TMEM266: variants seen among roughly 807,000 people sequenced by gnomAD.
The protein encoded by TMEM266 is Hv1 related protein 1.
TMEM266 carries 33 observed loss-of-function variants against 50.5 expected under a neutral mutation model. The observed-to-expected ratio is 0.65, with a 90% CI of 0.50 to 0.87. The LOEUF (loss-of-function observed/expected upper bound fraction) is 0.87, where lower values mean the gene tolerates loss of function less well. Ranked by LOEUF, TMEM266 falls within the 40% of genes least tolerant of loss-of-function variation. The pLI is 0.00. For missense variants in TMEM266, 655 were observed against 695.1 expected, an observed-to-expected ratio of 0.94 and a Z score of 0.65; for synonymous variants, 310 against 292.3, an observed-to-expected ratio of 1.06 and a Z score of -0.62.
Position 76,153,848 on chromosome 15 carries a change from C to T in TMEM266, c.228-2756C>T, listed in dbSNP as rs769807465. ...AAAGATATCTTAAAATGCAAAGGCT[C>T]GTTAATGGATGGAAGCGCTGTGCCG... On this transcript the variant is annotated intron_variant, in intron 3 of 10. Transcript: ENST00000388942. This position sits in a 1 kb window ranked among gnomAD's most constrained non-coding sequence, Gnocchi z 4.2. Among the ~76,000 whole-genome samples the T allele has an allele frequency of 7.5e-4, 114 of 152,174 alleles. No homozygotes were observed. The highest frequency in any genetic ancestry group is 5.9e-4 in the Non-Finnish European group (40 of 68,026).
intron 8 of TMEM266, among the ~76,000 whole-genome samples, chr15:76,179,087 G>C (rs1461417690): frequency 6.7e-6 from 1 of 148,634 alleles, no homozygotes; most frequent in Non-Finnish European, 1.5e-5. Context: ...GAATGTCAGA[G>C]ATGGCTAGAC....
chr15:76,200,540 G>A (rs550568569), intron 9 of TMEM266, among the ~76,000 whole-genome samples: 1 of 152,310 alleles, frequency 6.6e-6, no homozygotes, highest in Non-Finnish European at 1.5e-5. Flanking sequence ...AGGTTTCGCT[G>A]CTCTGTGGAT....
chr15:76,097,181 G>T (rs369497920), intron 1 of TMEM266, among the ~76,000 whole-genome samples: 2 of 151,882 alleles, frequency 1.3e-5, no homozygotes, highest in Non-Finnish European at 2.9e-5. Context: ...TATTTTGCCC[G>T]TCAATTGATG....
At chr15:76,201,718 A>G (rs1468394015) in intron 9 of TMEM266, among the ~76,000 whole-genome samples, 1 of 152,130 alleles carries the variant, frequency 6.6e-6, no homozygotes, top group East Asian at 1.9e-4. Context: ...GGAAGGCTGG[A>G]GCCCACAGGT....
chr15:76,197,298 G>A lies in TMEM266; in HGVS notation c.959-4904G>A, dbSNP rs181952358. 3.6e-3 allele frequency among the ~76,000 whole-genome samples: 554 copies of A among 152,358 alleles called. 4 individuals are homozygous for A. The highest frequency in any genetic ancestry group is 0.013 in the African/African-American group (535 of 41,574). On this transcript the variant is annotated intron_variant, in intron 9 of 10. Transcript: ENST00000388942. ...AAGAGCCTCAGGCAAAGTAGCATTT[G>A]AAGCAACCGGAGGGACATGGGTTTA...
chr15:76,079,736 A>T (rs113326383), intron 1 of TMEM266, among the ~76,000 whole-genome samples: 1 of 143,028 alleles, frequency 7.0e-6, no homozygotes, highest in African/African-American at 2.6e-5. Context: ...ATCGTGCCAC[A>T]GCACTCCAGC....
In TMEM266 at chr15:76,160,885, G is replaced by A. The variant is rs1222319833; in HGVS notation, c.456+717G>A. On this transcript the variant is annotated intron_variant, in intron 5 of 10. Coordinates refer to ENST00000388942, the MANE Select transcript of TMEM266 (RefSeq NM_152335.3). The surrounding 1 kb of genome is among the most constrained non-coding windows in gnomAD (Gnocchi z 5.7). ...TTGGTGCAGAAGCTGGCATGTCTGG[G>A]CAGCACATTCCTCTGTTTTTTCATG... Among the ~76,000 whole-genome samples, 1 of 152,208 alleles carries A rather than the reference G, an allele frequency of 6.6e-6. No homozygotes were observed. The highest frequency in any genetic ancestry group is 1.5e-5 in the Non-Finnish European group (1 of 68,040).
At chr15:76,127,726 G>A (rs145552277) in intron 1 of TMEM266, among the ~76,000 whole-genome samples, 1 of 152,210 alleles carries the variant, frequency 6.6e-6, no homozygotes, top group Non-Finnish European at 1.5e-5. Flanking sequence ...AGCTTGGTCA[G>A]CATAGCTTCT....
intron 1 of TMEM266, chr15:76,109,030 G>A (rs978804727): frequency 2.4e-4 from 37 of 152,154 alleles, no homozygotes; most frequent in African/African-American, 8.2e-4. Flanking sequence ...GGTCCCACCC[G>A]AGAGGCCACA....
At chr15:76,142,346 G>T (rs917615297) in intron 3 of TMEM266, among the ~76,000 whole-genome samples, 2 of 150,826 alleles carry the variant, frequency 1.3e-5, no homozygotes, top group East Asian at 1.9e-4. Flanking sequence ...TTGAGATCAC[G>T]CAGCCACTGC....
intron 1 of TMEM266, among the ~76,000 whole-genome samples, chr15:76,067,127 C>T (rs1348179116): frequency 6.6e-6 from 1 of 151,996 alleles, no homozygotes; most frequent in Non-Finnish European, 1.5e-5. Context: ...GAATACAGAA[C>T]TTAGATAATT....
intron 3 of TMEM266, among the ~76,000 whole-genome samples, chr15:76,147,306 C>T (rs145598483): frequency 6.6e-5 from 10 of 152,310 alleles, no homozygotes; most frequent in East Asian, 1.9e-4. Context: ...AAGGTTTTAA[C>T]GTCCTGGTAG....
chr15:76,124,876 C>T (rs1054244148), intron 1 of TMEM266, among the ~76,000 whole-genome samples: 3 of 151,764 alleles, frequency 2.0e-5, no homozygotes, highest in African/African-American at 7.3e-5. Flanking sequence ...CAAAAGACCC[C>T]AGATAGCTAA....
At chr15:76,132,194 C>A (rs967090257) in intron 1 of TMEM266, among the ~76,000 whole-genome samples, 4 of 151,706 alleles carry the variant, frequency 2.6e-5, no homozygotes, top group African/African-American at 9.7e-5. Context: ...CTGCAGGCTC[C>A]ACCTCTTGGG....
At chr15:76,137,951 G>A in intron 3 of TMEM266, 56 bp downstream of exon 3, 1 of 1,491,480 alleles carries the variant, frequency 6.7e-7, no homozygotes, top group Admixed American at 2.3e-5. Flanking sequence ...GCTAGGCGCG[G>A]TGGCTCACGC....
intron 7 of TMEM266, among the ~76,000 whole-genome samples, chr15:76,174,608 A>C (rs2038243181): frequency 6.6e-6 from 1 of 152,212 alleles, no homozygotes; most frequent in African/African-American, 2.4e-5. Context: ...GCCATCACCA[A>C]AAAATCTAAG....
At chr15:76,141,422 A>G (rs746140678) in intron 3 of TMEM266, among the ~76,000 whole-genome samples, 7 of 151,694 alleles carry the variant, frequency 4.6e-5, no homozygotes, top group Non-Finnish European at 8.8e-5. Context: ...TCTTTTTAAT[A>G]GAGATGGGGT....
At position 76,204,256 on chromosome 15, in the gene TMEM266, G is replaced by A; in HGVS notation, c.1537G>A (p.Asp513Asn). 6 of 1,613,924 alleles carry A rather than the reference G, an allele frequency of 3.7e-6. No individual in the cohort carries two copies. In the South Asian group the frequency reaches 6.6e-5, roughly 18 times the overall value. The change falls in exon 11 of 11, where the codon GAC (aspartate) becomes AAC (asparagine). Residue 513 changes from aspartate (D) to asparagine (N), a missense_variant. By Grantham distance (23) the Asp-to-Asn change is conservative. Around this residue, in one of 3 missense-constraint regions of TMEM266, gnomAD observed 455 missense variants for 401.8 expected, o/e 1.13. Coordinates refer to ENST00000388942, the MANE Select transcript of TMEM266 (RefSeq NM_152335.3). ...CCAGCCCACTGTGCCCATGCTGGAG[G>A]ACAAGTTCAGATCTTTGGAATCCAA...
chr15:76,095,799 A>G (rs891263115), intron 1 of TMEM266, among the ~76,000 whole-genome samples: 1 of 151,966 alleles, frequency 6.6e-6, no homozygotes, highest in African/African-American at 2.4e-5. Context: ...AGAACTTGTT[A>G]TTGGTGTATT....
Sources: allele counts gnomAD v4.1 joint callset (sites outside exome capture counted in the v4.1 genomes callset), GRCh38; gene constraint gnomAD v4.1.1; regional missense constraint gnomAD v4.1.1; non-coding constraint Gnocchi (gnomAD v3.1); transcripts MANE v1.5; gene names NCBI Gene and HGNC (gene_info 2026-07-23, HGNC 2026-07-21).